The following BCAS3 variants were observed in gnomAD, a reference collection of about 807,000 sequenced individuals.
BCAS3 encodes BCAS3 microtubule associated cell migration factor, also known as BCAS4/BCAS3 fusion.
BCAS3 carries 53 observed loss-of-function variants against 116.1 expected under a neutral mutation model. The observed-to-expected ratio is 0.46, with a 90% CI of 0.37 to 0.57. The LOEUF is 0.57. Ranked by LOEUF, BCAS3 falls within the 20% of genes least tolerant of loss-of-function variation. The pLI is 0.00. For missense variants in BCAS3, 917 were observed against 1,165.4 expected, an observed-to-expected ratio of 0.79 and a Z score of 3.10; for synonymous variants, 391 against 408.2, an observed-to-expected ratio of 0.96 and a Z score of 0.51.
In BCAS3 at chr17:61,276,998, C is replaced by T. The variant is rs114779585; in HGVS notation, c.2426-91329C>T. Reference sequence around the variant, plus strand: ...AAGTGGTAGGCTGGGCATGGTGGCTCATGCCTGTAATCACAATGCTTTGGG... The same window carrying T: ...AAGTGGTAGGCTGGGCATGGTGGCTTATGCCTGTAATCACAATGCTTTGGG... On this transcript the variant is annotated intron_variant, in intron 22 of 23. Transcript: ENST00000407086. The surrounding 1 kb of genome is among the most constrained non-coding windows in gnomAD (Gnocchi z 4.2). Among the ~76,000 whole-genome samples the T allele has an allele frequency of 0.02, 2,982 of 152,126 alleles. 88 individuals are homozygous for T. The highest frequency in any genetic ancestry group is 0.067 in the African/African-American group (2,768 of 41,480).
intron 22 of BCAS3, among the ~76,000 whole-genome samples, chr17:61,336,453 G>A (rs1235829303): frequency 6.6e-6 from 1 of 152,150 alleles, no homozygotes; most frequent in Non-Finnish European, 1.5e-5. Context: ...CCCACGGAGA[G>A]CTTCAAGCTT....
At chr17:61,292,073 A>G (rs369387629) in intron 22 of BCAS3, among the ~76,000 whole-genome samples, 2 of 152,178 alleles carry the variant, frequency 1.3e-5, no homozygotes, top group East Asian at 1.9e-4. Context: ...AGCTGCCAGC[A>G]TGACTTTGAA....
chr17:61,149,282 A>T (rs2077414286), intron 22 of BCAS3, among the ~76,000 whole-genome samples: 1 of 152,166 alleles, frequency 6.6e-6, no homozygotes, highest in Admixed American at 6.5e-5. Flanking sequence ...GCCCATTATT[A>T]TTATTATGTA....
At chr17:60,786,435 T>A (rs1209835023) in intron 6 of BCAS3, among the ~76,000 whole-genome samples, 1 of 151,914 alleles carries the variant, frequency 6.6e-6, no homozygotes, top group Non-Finnish European at 1.5e-5. Flanking sequence ...GGTAGGAGGA[T>A]CGCTTGAGCC....
intron 22 of BCAS3, among the ~76,000 whole-genome samples, chr17:61,153,678 A>G (rs553191025): frequency 2.0e-5 from 3 of 152,298 alleles, no homozygotes; most frequent in African/African-American, 7.2e-5. Flanking sequence ...AATTATCTCT[A>G]CCATTGTATG....
Position 61,059,327 on chromosome 17 carries a change from C to T in BCAS3, c.2030-15593C>T, listed in dbSNP as rs2069738793. ...TTGATCTCCTGACCTCATGATCCGC[C>T]TGCCTTGGCCTCCCAAAGTTCTGGG... On this transcript the variant is annotated intron_variant, in intron 19 of 23. Coordinates refer to ENST00000407086, the MANE Select transcript of BCAS3 (RefSeq NM_017679.5). 2.0e-5 allele frequency among the ~76,000 whole-genome samples: 3 copies of T among 151,976 alleles called. No individual in the cohort carries two copies. In the South Asian group the frequency reaches 6.2e-4, roughly 32 times the overall value.
At chr17:60,986,552 T>A (rs1164648423) in intron 14 of BCAS3, among the ~76,000 whole-genome samples, 1 of 152,226 alleles carries the variant, frequency 6.6e-6, no homozygotes, top group Non-Finnish European at 1.5e-5. Context: ...TTGAGGGAGA[T>A]GATATCTCAT....
At position 61,324,338 on chromosome 17, in the gene BCAS3, G is replaced by A. The variant is rs2055555849; in HGVS notation, c.2426-43989G>A. 6.6e-6 allele frequency among the ~76,000 whole-genome samples: 1 copy of A among 152,108 alleles called. No homozygotes were observed. Among genetic ancestry groups the A allele is most frequent in the Admixed American group, 6.5e-5 (1 of 15,278 alleles). On this transcript the variant is annotated intron_variant, in intron 22 of 23. Coordinates refer to ENST00000407086, the MANE Select transcript of BCAS3 (RefSeq NM_017679.5). The surrounding 1 kb of genome is among the most constrained non-coding windows in gnomAD (Gnocchi z 4.6). The stretch of plus-strand genomic sequence containing the variant: ...GATCACACAGAGGATACTAGAACTA[G>A]GATTAGACTAAGGCAGAGATTCACC...
intron 4 of BCAS3, among the ~76,000 whole-genome samples, chr17:60,695,265 C>G (rs899405658): frequency 5.9e-5 from 9 of 151,926 alleles, no homozygotes; most frequent in African/African-American, 2.2e-4. Context: ...GGACTACAGG[C>G]GTGCGCCATC....
Position 61,224,634 on chromosome 17 carries a change from A to G in BCAS3, c.2425+140070A>G, listed in dbSNP as rs6504026. Among the ~76,000 whole-genome samples the G allele has an allele frequency of 0.16, 24,518 of 152,160 alleles. 3,302 individuals carry two copies. The highest frequency in any genetic ancestry group is 0.37 in the African/African-American group (15,399 of 41,454). On this transcript the variant is annotated intron_variant, in intron 22 of 23. Transcript: ENST00000407086. This position sits in a 1 kb window ranked among gnomAD's most constrained non-coding sequence, Gnocchi z 5.7. ...TGGTTTGTTGGGATTTGCATCTTGC[A>G]TCCACCACTTCTTACTTCTGCAACC...
rs766047629 is a variant in BCAS3 at position 60,981,312 on chromosome 17, C to G, written c.1222-8659C>G. On this transcript the variant is annotated intron_variant, in intron 14 of 23. Transcript: ENST00000407086. ...TTTTTTTTCTTGAGACAGGGTCTCG[C>G]TCTGTCACCCAGGCTGGAGTGCAGT... is the stretch of plus-strand genomic sequence containing the variant. Among the ~76,000 whole-genome samples, 12 of 151,628 alleles carry G rather than the reference C, an allele frequency of 7.9e-5. No individual in the cohort carries two copies. The East Asian group carries it at 2.3e-3, about 30-fold the overall frequency.
At position 61,281,583 on chromosome 17, in the gene BCAS3, A is replaced by G. The variant is rs951263051; in HGVS notation, c.2426-86744A>G. Among the ~76,000 whole-genome samples the G allele has an allele frequency of 6.6e-6, 1 of 152,192 alleles. No individual in the cohort carries two copies. The highest frequency in any genetic ancestry group is 1.5e-5 in the Non-Finnish European group (1 of 68,018). ...AAATTTGCATTTCTCTTAGACTGGC[A>G]TGGAACGTATTTTCACAAATTTAAA... On this transcript the variant is annotated intron_variant, in intron 22 of 23. Coordinates refer to ENST00000407086, the MANE Select transcript of BCAS3 (RefSeq NM_017679.5). The surrounding 1 kb of genome is among the most constrained non-coding windows in gnomAD (Gnocchi z 4.2).
rs767302345 is a variant in BCAS3, at chr17:61,074,996, G to C, written c.2106G>C (p.Gln702His). The C allele has an allele frequency of 6.2e-7, 1 of 1,612,654 alleles. No individual in the cohort carries two copies. The highest frequency in any genetic ancestry group is 1.1e-5 in the South Asian group (1 of 90,904). ...GTTTAGCTTCTGACCATAGTGGACA[G>C]GAAGATGAAGAATGGCTTTCCCAGG... ...YDSLASDHSGQEDEEWLSQVE... is the reference protein window; with the variant it reads ...YDSLASDHSGHEDEEWLSQVE... Residue 702 changes from glutamine to histidine, a missense_variant, in exon 20 of 24, where the codon CAG becomes CAC. Gln to His is a conservative substitution (Grantham distance 24). Around this residue, in one of 3 missense-constraint regions of BCAS3, gnomAD observed 807 missense variants for 1,026.0 expected, o/e 0.79. Coordinates refer to ENST00000407086, the MANE Select transcript of BCAS3 (RefSeq NM_017679.5).
intron 22 of BCAS3, among the ~76,000 whole-genome samples, chr17:61,304,301 G>T (rs1304767052): frequency 1.3e-5 from 2 of 152,318 alleles, no homozygotes; most frequent in East Asian, 1.9e-4. Context: ...GGCTGCATTT[G>T]CCCACAGTAA....
chr17:61,338,852 T>A (rs901812169), intron 22 of BCAS3, among the ~76,000 whole-genome samples: 1 of 130,874 alleles, frequency 7.6e-6, no homozygotes, highest in Non-Finnish European at 1.5e-5. Context: ...TTCTTATCAG[T>A]CCTCAAATGG....
chr17:60,792,110 T>C (rs577762077), intron 6 of BCAS3, among the ~76,000 whole-genome samples: 6 of 152,204 alleles, frequency 3.9e-5, no homozygotes, highest in Admixed American at 6.5e-5. Context: ...GCGACGGAGC[T>C]AGACTCCATC....
At position 61,333,485 on chromosome 17, in the gene BCAS3, C is replaced by T. The variant is rs890792267; in HGVS notation, c.2426-34842C>T. 7.2e-5 allele frequency among the ~76,000 whole-genome samples: 11 copies of T among 152,018 alleles called. No individual in the cohort carries two copies. The highest frequency in any genetic ancestry group is 9.7e-5 in the African/African-American group (4 of 41,426). On this transcript the variant is annotated intron_variant, in intron 22 of 23. Coordinates refer to ENST00000407086, the MANE Select transcript of BCAS3 (RefSeq NM_017679.5). This position sits in a 1 kb window ranked among gnomAD's most constrained non-coding sequence, Gnocchi z 4.8. The stretch of plus-strand genomic sequence containing the variant: ...ACCCTCCTGTCCACTCACATTGTGG[C>T]GCCCCCGACCCTTGCCAATCCCGTG...
At chr17:61,245,221 C>T (rs9907515) in intron 22 of BCAS3, 6,412 of 152,102 alleles carry the variant, frequency 0.042, 406 homozygotes, top group African/African-American at 0.14. Flanking sequence ...CATCAGATCT[C>T]GTGAGAACCA....
rs2055547442 is a variant in BCAS3, at chr17:61,324,233, G to A, written c.2426-44094G>A. Among the ~76,000 whole-genome samples, 1 of 152,196 alleles carries A rather than the reference G, an allele frequency of 6.6e-6. No individual in the cohort carries two copies. The highest frequency in any genetic ancestry group is 1.5e-5 in the Non-Finnish European group (1 of 68,034). On this transcript the variant is annotated intron_variant, in intron 22 of 23. Coordinates refer to ENST00000407086, the MANE Select transcript of BCAS3 (RefSeq NM_017679.5). This position sits in a 1 kb window ranked among gnomAD's most constrained non-coding sequence, Gnocchi z 4.6. ...ACTCGAGAAATGTTTCAATCAGTGA[G>A]TGAATTAGAGGCGGGAGAGACCCTA...
Sources: gnomAD v4.1 joint callset for allele counts (sites outside exome capture counted in the v4.1 genomes callset) on GRCh38, gnomAD v4.1.1 for gene constraint, gnomAD v4.1.1 regional missense constraint, Gnocchi (gnomAD v3.1) non-coding constraint, MANE v1.5 for transcripts, NCBI Gene and HGNC (gene_info 2026-07-23, HGNC 2026-07-21) for gene names.